POU2F3: variants seen among roughly 807,000 people sequenced by gnomAD.
POU2F3 encodes the protein POU class 2 homeobox 3.
POU2F3 carries 23 observed loss-of-function variants against 59.2 expected under a neutral mutation model. The observed-to-expected ratio is 0.39, with a 90% CI of 0.28 to 0.55. The LOEUF is 0.55. POU2F3 is among the 20% of genes least tolerant of loss of function. POU2F3 has a pLI of 0.66. For missense variants in POU2F3, 473 were observed against 544.5 expected (o/e 0.87, Z 1.31); for synonymous variants, 190 against 214.6 (o/e 0.89, Z 1.00).
At chr11:120,267,666 C>T (rs1473531864) in intron 2 of POU2F3, among the ~76,000 whole-genome samples, 6 of 152,196 alleles carry the variant, frequency 3.9e-5, no homozygotes, top group African/African-American at 1.4e-4. Flanking sequence ...TCTTAGACCC[C>T]ATTCATTCAT....
At chr11:120,294,873 C>G (rs563896348) in intron 3 of POU2F3, among the ~76,000 whole-genome samples, 153 of 152,126 alleles carry the variant, frequency 1.0e-3, no homozygotes, top group African/African-American at 3.6e-3. Context: ...GGGTTACTAT[C>G]AGCACTTCAC....
At chr11:120,302,202 T>G (rs1316256591) in intron 5 of POU2F3, 84 bp from the exon 6 acceptor site, 2 of 1,208,116 alleles carry the variant, frequency 1.7e-6, no homozygotes, top group African/African-American at 3.0e-5. Context: ...GGGACAGTGA[T>G]CGTGGTGCCA....
intron 3 of POU2F3, among the ~76,000 whole-genome samples, chr11:120,280,107 A>G (rs531387671): frequency 1.3e-5 from 2 of 152,330 alleles, no homozygotes; most frequent in African/African-American, 4.8e-5. Context: ...TGATGACACT[A>G]AAAGCAGGGC....
chr11:120,307,417 A>C (rs911179312), intron 8 of POU2F3, 62 bp from the exon 9 acceptor site: 3 of 1,583,224 alleles, frequency 1.9e-6, no homozygotes, highest in Non-Finnish European at 2.6e-6. Flanking sequence ...CCTCAGATCC[A>C]TGAAGGCACC....
At chr11:120,260,325 C>A (rs1939541424) in intron 2 of POU2F3, among the ~76,000 whole-genome samples, 1 of 152,202 alleles carries the variant, frequency 6.6e-6, no homozygotes, top group South Asian at 2.1e-4. Context: ...CTCCTAGGGG[C>A]CCCACGCCTA....
chr11:120,252,391 A>G (rs1939145621), intron 2 of POU2F3, among the ~76,000 whole-genome samples: 1 of 151,702 alleles, frequency 6.6e-6, no homozygotes. Flanking sequence ...TATTTTTAGT[A>G]GGGACGGGGT....
chr11:120,302,434 G>A (rs1941374876), intron 6 of POU2F3, 66 bp downstream of exon 6: 2 of 1,464,882 alleles, frequency 1.4e-6, no homozygotes, highest in Non-Finnish European at 9.5e-7. Flanking sequence ...TTAACTCACT[G>A]GTTTCCCCCT....
intron 1 of POU2F3, among the ~76,000 whole-genome samples, chr11:120,244,890 C>T (rs1175266127): frequency 2.0e-5 from 3 of 151,080 alleles, no homozygotes; most frequent in Non-Finnish European, 4.4e-5. Flanking sequence ...GAGTTTGAGA[C>T]TGCAGCAGGA....
At chr11:120,283,587 C>T (rs190822075) in intron 3 of POU2F3, among the ~76,000 whole-genome samples, 293 of 152,266 alleles carry the variant, frequency 1.9e-3, no homozygotes, top group African/African-American at 6.7e-3. Context: ...CAGAGAGGAA[C>T]AGAGAAGTAG....
At chr11:120,238,090 A>G (rs1349649412), upstream of POU2F3, among the ~76,000 whole-genome samples, 2 of 152,028 alleles carry the variant, frequency 1.3e-5, no homozygotes, top group Non-Finnish European at 2.9e-5. Flanking sequence ...AAAATACAAA[A>G]TTAGCCGGGC....
At position 120,314,137 on chromosome 11, in the gene POU2F3, G is replaced by A. The variant is rs75461184; in HGVS notation, c.1069-1224G>A. 0.016 allele frequency among the ~76,000 whole-genome samples: 2,385 copies of A among 152,304 alleles called. 269 individuals carry two copies. In the East Asian group the frequency reaches 0.25, roughly 16 times the overall value. On this transcript the variant is annotated intron_variant, in intron 10 of 12. Transcript: ENST00000543440. ...CTGCCACCCCTCCCAACCTGTGCCC[G>A]TCTCCACCCTTCACAGGCCCCCAGC...
intron 8 of POU2F3, among the ~76,000 whole-genome samples, chr11:120,306,983 G>T (rs563550297): frequency 6.6e-6 from 1 of 152,308 alleles, no homozygotes; most frequent in South Asian, 2.1e-4. Context: ...TCAAACATTT[G>T]CACTGGCAGG....
intron 3 of POU2F3, among the ~76,000 whole-genome samples, chr11:120,289,749 C>G (rs1940955895): frequency 6.6e-6 from 1 of 152,186 alleles, no homozygotes; most frequent in Admixed American, 6.5e-5. Context: ...TTCAGGGTTG[C>G]TTAGAAGGAC....
chr11:120,317,611 T>C (rs11217814), intron 12 of POU2F3, among the ~76,000 whole-genome samples: 5,130 of 152,304 alleles, frequency 0.034, 308 homozygotes, highest in African/African-American at 0.12. Context: ...AAAATTTCCA[T>C]CCTTACTTTG....
chr11:120,319,142 T>A lies in POU2F3; in HGVS notation c.*750T>A, dbSNP rs1941858449. 6.5e-6 allele frequency: 1 copy of A among 152,692 alleles called. No homozygotes were observed. Among genetic ancestry groups the A allele is most frequent in the Admixed American group, 6.5e-5 (1 of 15,278 alleles). The allele number at this position is 152,692 out of a possible 1,614,324, so 9.5% of individuals were successfully genotyped here. On this transcript the variant is annotated 3_prime_UTR_variant, in exon 13 of 13. Transcript: ENST00000543440. ...TGCTTGTTCTTTCCCTTCCTCCCTG[T>A]GTTTCTCTTTATCCTGTCCCCTCTC...
At chr11:120,265,399 G>C (rs10750169) in intron 2 of POU2F3, 62,609 of 152,088 alleles carry the variant, frequency 0.41, 15,281 homozygotes, top group East Asian at 1. Context: ...TCCCGGGAGG[G>C]CATGGCTGGC....
At chr11:120,244,489 C>T (rs1938791153) in intron 1 of POU2F3, among the ~76,000 whole-genome samples, 1 of 152,166 alleles carries the variant, frequency 6.6e-6, no homozygotes. Flanking sequence ...AAATTCACAT[C>T]CGAATATGTG....
intron 3 of POU2F3, among the ~76,000 whole-genome samples, chr11:120,281,765 T>C (rs1940580120): frequency 6.6e-6 from 1 of 152,166 alleles, no homozygotes; most frequent in African/African-American, 2.4e-5. Flanking sequence ...AGCTCTGGCA[T>C]TACACAGACC....
chr11:120,241,956 A>G lies in POU2F3; in HGVS notation c.28+1585A>G, dbSNP rs1488784701. Among the ~76,000 whole-genome samples, 3 of 152,124 alleles carry G rather than the reference A, an allele frequency of 2.0e-5. No homozygotes were observed. The East Asian group carries it at 5.8e-4, about 29-fold the overall frequency. On this transcript the variant is annotated intron_variant, in intron 1 of 12. Coordinates refer to ENST00000543440, the MANE Select transcript of POU2F3 (RefSeq NM_014352.4). ...AGTGAGCTCCTGGCTGATGCTTCTC[A>G]GAAGCCCAGACACCTTCTCCACCCT...
Sources: allele counts gnomAD v4.1 joint callset (sites outside exome capture counted in the v4.1 genomes callset), GRCh38; gene constraint gnomAD v4.1.1; transcripts MANE v1.5; gene names NCBI Gene and HGNC (gene_info 2026-07-23, HGNC 2026-07-21).